The following RAD17 variants were observed in gnomAD, a reference collection of about 807,000 sequenced individuals.
The protein encoded by RAD17 is RAD17 checkpoint clamp loader component.
In RAD17, 31 loss-of-function variants were observed where a neutral mutation model predicts 81.5. That is an observed-to-expected ratio of 0.38 (90% CI 0.29 to 0.51). The LOEUF (loss-of-function observed/expected upper bound fraction) is 0.51. RAD17 is among the 20% of genes least tolerant of loss of function. The pLI, the probability that RAD17 is intolerant of heterozygous loss-of-function variation, is 0.88. For synonymous variants in RAD17, 261 were observed against 266.2 expected (o/e 0.98, Z 0.19); for missense variants, 681 against 781.2 (o/e 0.87, Z 1.53).
chr5:69,369,541 A>C, upstream of RAD17: 1 of 1,610,490 alleles, frequency 6.2e-7, no homozygotes, highest in Non-Finnish European at 8.5e-7. Context: ...CCTTTGCTCT[A>C]CAGGGAGGAG....
At chr5:69,386,925 A>AC (rs1011945226) in intron 11 of RAD17, among the ~76,000 whole-genome samples, 12 of 123,916 alleles carry the variant, frequency 9.7e-5, no homozygotes, top group South Asian at 5.5e-4. Context: ...AGCTGTTGTC[A>AC]CTTTTTTTTT....
intron 12 of RAD17, 27 bp downstream of exon 12, chr5:69,389,172 G>T: frequency 7.3e-7 from 1 of 1,372,772 alleles, no homozygotes; most frequent in South Asian, 1.3e-5. Flanking sequence ...CAGTCATGTG[G>T]CATTATATAG....
At chr5:69,377,452 T>TAC (rs1561238666) in intron 6 of RAD17, among the ~76,000 whole-genome samples, 3 of 52,078 alleles carry the variant, frequency 5.8e-5, no homozygotes, top group African/African-American at 1.3e-4. Flanking sequence ...TATATATATA[T>TAC]ATATATATAT....
intron 6 of RAD17, 56 bp downstream of exon 6, chr5:69,374,767 G>T (rs1394745025): frequency 7.3e-7 from 1 of 1,375,728 alleles, no homozygotes; most frequent in African/African-American, 1.5e-5. Context: ...CTGACTTACA[G>T]TGTGTTGTTA....
intron 17 of RAD17, 73 bp from the exon 18 acceptor site, chr5:69,410,420 T>A: frequency 8.4e-7 from 1 of 1,197,354 alleles, no homozygotes; most frequent in Non-Finnish European, 1.2e-6. Flanking sequence ...TTCAGCATCT[T>A]TTCAGGTGCT....
chr5:69,378,080 G>A (rs928071487), intron 6 of RAD17, among the ~76,000 whole-genome samples: 14 of 152,112 alleles, frequency 9.2e-5, no homozygotes, highest in Non-Finnish European at 2.1e-4. Context: ...CAATAGGCAT[G>A]AGCCACACCA....
In RAD17 at chr5:69,377,682, T is replaced by TATATATATGTATACATATATATATGC. The variant is rs1561240639; in HGVS notation, c.351+2996_351+2997insCATATATATGTATACATATATATATG. On this transcript the variant is annotated intron_variant, in intron 6 of 18. Transcript: ENST00000354868. ...ATATGTATACATATATATATGCATA[T>TATATATATGTATACATATATATATGC]ATATATATGTATACATATATATATG... Among the ~76,000 whole-genome samples, 224 of 45,762 alleles carry TATATATATGTATACATATATATATGC rather than the reference T, an allele frequency of 4.9e-3. 80 individuals are homozygous for TATATATATGTATACATATATATATGC. Among genetic ancestry groups the TATATATATGTATACATATATATATGC allele is most frequent in the East Asian group, 0.031 (23 of 748 alleles). The allele number at this position is 45,762 out of a possible 152,430, so 30.0% of individuals were successfully genotyped here. A position where few individuals can be genotyped will look rare whatever the true frequency, so the allele number is the denominator to read the frequency against.
intron 7 of RAD17, chr5:69,384,041 C>T (rs901417464): frequency 1.3e-5 from 2 of 152,082 alleles, no homozygotes; most frequent in Non-Finnish European, 2.9e-5. Context: ...TGGTGTGTTC[C>T]TGTAATCCCA....
Position 69,374,042 on chromosome 5 carries a change from G to A in RAD17, c.222G>A (p.Leu74=). ...GTTTAGAAAATTCAAAAGAATATCT[G>A]TCTGAAAATGAACCATGGGTGGATA... ...IYGLENSKEY[L]SENEPWVDKY... The change falls in exon 5 of 19, where the codon CTG becomes CTA. Residue 74 remains leucine, a synonymous_variant. Coordinates refer to ENST00000354868, the MANE Select transcript of RAD17 (RefSeq NM_133338.3). 6.2e-7 allele frequency: 1 copy of A among 1,610,882 alleles called. No homozygotes were observed. The highest frequency in any genetic ancestry group is 1.1e-5 in the South Asian group (1 of 90,880).
intron 1 of RAD17, chr5:69,370,222 C>T (rs1323912402): frequency 6.4e-6 from 1 of 155,248 alleles, no homozygotes; most frequent in Admixed American, 6.5e-5. Flanking sequence ...TGAAGGTCTA[C>T]CTCTGACATC....
At chr5:69,372,540 A>G (rs921201941) in intron 4 of RAD17, among the ~76,000 whole-genome samples, 1 of 152,146 alleles carries the variant, frequency 6.6e-6, no homozygotes, top group African/African-American at 2.4e-5. Context: ...ATGCTATTAG[A>G]GTGTTAAAAA....
At chr5:69,412,979 T>C (rs985549546) in intron 18 of RAD17, among the ~76,000 whole-genome samples, 2 of 48,502 alleles carry the variant, frequency 4.1e-5, no homozygotes, top group Admixed American at 2.3e-4. Context: ...AGAGCAAGAC[T>C]GTCTCAAAAA....
chr5:69,373,711 T>TAA, intron 4 of RAD17, 119 bp from the exon 5 acceptor site: 5 of 435,592 alleles, frequency 1.1e-5, no homozygotes, highest in Non-Finnish European at 6.7e-6. Flanking sequence ...TTTTTTTTTT[T>TAA]TTTTTAAGTT....
At chr5:69,382,127 T>A in intron 7 of RAD17, 70 bp downstream of exon 7, 1 of 1,492,690 alleles carries the variant, frequency 6.7e-7, no homozygotes, top group Non-Finnish European at 9.1e-7. Context: ...TCAGATAAAG[T>A]TCTATGAGTG....
In RAD17 at chr5:69,369,952, C is replaced by A. The variant is rs979640036; in HGVS notation, c.-417+19C>A. The stretch of plus-strand genomic sequence containing the variant: ...CGGGAAAGTAAGGCCGCCGCGGTTG[C>A]GGCTATATTATGTATATGTCTTAGA... On this transcript the variant is annotated intron_variant, in intron 1 of 18. Coordinates refer to ENST00000354868, the MANE Select transcript of RAD17 (RefSeq NM_133338.3). 8.9e-6 allele frequency: 5 copies of A among 559,182 alleles called. No individual in the cohort carries two copies. The highest frequency in any genetic ancestry group is 5.8e-5 in the African/African-American group (3 of 51,706). 34.6% of individuals were successfully genotyped at this position (559,182 alleles called of 1,614,324 possible). A position where few individuals can be genotyped will look rare whatever the true frequency, so the allele number is the denominator to read the frequency against.
chr5:69,386,878 C>T (rs138766101), intron 11 of RAD17, among the ~76,000 whole-genome samples: 37 of 150,070 alleles, frequency 2.5e-4, no homozygotes, highest in African/African-American at 8.3e-4. Flanking sequence ...TTCAAAGATA[C>T]ACTTCAGTAT....
rs1580401047 is a variant in RAD17, at chr5:69,392,104, T to C, written c.1189+91T>C. 3 of 1,180,368 alleles carry C rather than the reference T, an allele frequency of 2.5e-6. No homozygotes were observed. In the East Asian group the frequency reaches 8.0e-5, roughly 32 times the overall value. 73.1% of individuals were successfully genotyped at this position (1,180,368 alleles called of 1,614,324 possible). On this transcript the variant is annotated intron_variant, in intron 13 of 18. Transcript: ENST00000354868. ...TCACTTTTAAAAAAATGTCATGTAT[T>C]TTGGTTCTGCTCTAAGAGTTAGAGC... is the stretch of plus-strand genomic sequence containing the variant.
intron 15 of RAD17, among the ~76,000 whole-genome samples, chr5:69,394,786 C>T (rs1218734388): frequency 1.3e-5 from 2 of 152,168 alleles, no homozygotes; most frequent in Non-Finnish European, 2.9e-5. Flanking sequence ...TAAGGCCGGG[C>T]TCAGTGGGTC....
At chr5:69,390,931 T>G (rs1764513950) in intron 12 of RAD17, among the ~76,000 whole-genome samples, 1 of 140,622 alleles carries the variant, frequency 7.1e-6, no homozygotes, top group African/African-American at 2.6e-5. Flanking sequence ...CCAGCCTGGG[T>G]GATAGAGCCA....
Sources: gnomAD v4.1 joint callset for allele counts (sites outside exome capture counted in the v4.1 genomes callset) on GRCh38, gnomAD v4.1.1 for gene constraint, MANE v1.5 for transcripts, NCBI Gene and HGNC (gene_info 2026-07-23, HGNC 2026-07-21) for gene names.